PPP2R5E: variants seen among roughly 807,000 people sequenced by gnomAD.
The protein encoded by PPP2R5E is serine/threonine-protein phosphatase 2A 56 kDa regulatory subunit epsilon isoform.
In PPP2R5E, 4 loss-of-function variants were observed where a neutral mutation model predicts 65.3. That is an observed-to-expected ratio of 0.06 (90% CI 0.03 to 0.14). The LOEUF is 0.14. Among genes scored for constraint, PPP2R5E ranks in the 10% least tolerant of loss-of-function variants. PPP2R5E has a pLI of 1.00. For missense variants in PPP2R5E, 274 were observed against 556.1 expected (o/e 0.49, Z 5.10); for synonymous variants, 183 against 187.4 (o/e 0.98, Z 0.19).
At chr14:63,482,784 A>G (rs1312773429) in intron 2 of PPP2R5E, among the ~76,000 whole-genome samples, 4 of 152,218 alleles carry the variant, frequency 2.6e-5, no homozygotes, top group African/African-American at 9.6e-5. Flanking sequence ...AGAAAATCTA[A>G]CAGAATAACC....
At chr14:63,491,831 G>T (rs1353993317) in intron 2 of PPP2R5E, among the ~76,000 whole-genome samples, 2 of 152,062 alleles carry the variant, frequency 1.3e-5, no homozygotes, top group Non-Finnish European at 2.9e-5. Context: ...TGGGTGACAA[G>T]AATGAAACTC....
At chr14:63,380,157 G>T (rs947320667) in intron 13 of PPP2R5E, among the ~76,000 whole-genome samples, 1 of 151,976 alleles carries the variant, frequency 6.6e-6, no homozygotes, top group African/African-American at 2.4e-5. Context: ...TTCTTGATGA[G>T]ATTCTACGGA....
chr14:63,539,704 G>C lies in PPP2R5E; in HGVS notation c.-7-12C>G. On this transcript the variant is annotated splice_polypyrimidine_tract_variant and intron_variant, in intron 1 of 13. Transcript: ENST00000337537. ...AGGACATATCCCTACTGAAGAGAAA[G>C]AAGTATCATAAACCCATACATTCCC... 6.2e-7 allele frequency: 1 copy of C among 1,609,464 alleles called. No individual in the cohort carries two copies. Among genetic ancestry groups the C allele is most frequent in the Non-Finnish European group, 8.5e-7 (1 of 1,176,890 alleles).
At chr14:63,449,967 C>A (rs112309322) in intron 3 of PPP2R5E, among the ~76,000 whole-genome samples, 2,577 of 151,406 alleles carry the variant, frequency 0.017, 75 homozygotes, top group African/African-American at 0.059. Context: ...CCTCCACCAC[C>A]CAGGTTCAAG....
At chr14:63,478,655 A>C (rs1890532716) in intron 2 of PPP2R5E, among the ~76,000 whole-genome samples, 1 of 152,094 alleles carries the variant, frequency 6.6e-6, no homozygotes, top group Admixed American at 6.5e-5. Context: ...GACCTCACAG[A>C]CCCCTGAAAA....
chr14:63,470,708 C>A (rs745465752), intron 2 of PPP2R5E, among the ~76,000 whole-genome samples: 2 of 143,290 alleles, frequency 1.4e-5, no homozygotes, highest in Non-Finnish European at 3.0e-5. Flanking sequence ...TAAAAACAAG[C>A]CTTTATCAAC....
intron 11 of PPP2R5E, among the ~76,000 whole-genome samples, 173 bp downstream of exon 11, chr14:63,389,439 G>A (rs1884878879): frequency 6.6e-6 from 1 of 152,048 alleles, no homozygotes. Flanking sequence ...CCATTACTGT[G>A]GCTGTTAGGC....
At chr14:63,422,713 C>T (rs924330018) in intron 3 of PPP2R5E, among the ~76,000 whole-genome samples, 1 of 123,200 alleles carries the variant, frequency 8.1e-6, no homozygotes, top group Non-Finnish European at 1.6e-5. Flanking sequence ...GATGAAAGAG[C>T]GAGACTCCGT....
chr14:63,542,573 G>A (rs995938800), intron 1 of PPP2R5E, among the ~76,000 whole-genome samples: 8 of 152,116 alleles, frequency 5.3e-5, no homozygotes, highest in African/African-American at 7.2e-5. Context: ...GGGGGGAGGG[G>A]GCAGAGTGAA....
At chr14:63,442,664 G>C (rs1888294439) in intron 3 of PPP2R5E, among the ~76,000 whole-genome samples, 1 of 152,078 alleles carries the variant, frequency 6.6e-6, no homozygotes, top group Non-Finnish European at 1.5e-5. Flanking sequence ...CTATTTTACT[G>C]TTATTGTTAA....
At chr14:63,429,031 A>G (rs1887486640) in intron 3 of PPP2R5E, among the ~76,000 whole-genome samples, 1 of 152,180 alleles carries the variant, frequency 6.6e-6, no homozygotes, top group South Asian at 2.1e-4. Context: ...AGGACAATAC[A>G]ATGAGTGCTT....
At chr14:63,474,502 T>C (rs1324417373) in intron 2 of PPP2R5E, among the ~76,000 whole-genome samples, 1 of 149,510 alleles carries the variant, frequency 6.7e-6, no homozygotes, top group Non-Finnish European at 1.5e-5. Flanking sequence ...AAGAGTGAGG[T>C]GGAGATAGAA....
intron 2 of PPP2R5E, among the ~76,000 whole-genome samples, chr14:63,494,485 T>C (rs1277371011): frequency 6.6e-6 from 1 of 151,684 alleles, no homozygotes. Context: ...TCTGCCCCTA[T>C]TAGCCTCCCA....
chr14:63,450,255 G>A (rs1228959206), intron 3 of PPP2R5E, among the ~76,000 whole-genome samples: 1 of 152,166 alleles, frequency 6.6e-6, no homozygotes, highest in Non-Finnish European at 1.5e-5. Context: ...ATAATTAGTA[G>A]CTAACAATTT....
chr14:63,491,014 A>C (rs1034908151), intron 2 of PPP2R5E, among the ~76,000 whole-genome samples: 1 of 152,154 alleles, frequency 6.6e-6, no homozygotes, highest in Non-Finnish European at 1.5e-5. Context: ...AAAAAAAAAA[A>C]ATGTGGAACA....
At chr14:63,523,009 C>T (rs1008277813) in intron 2 of PPP2R5E, among the ~76,000 whole-genome samples, 3 of 148,762 alleles carry the variant, frequency 2.0e-5, no homozygotes, top group Admixed American at 1.3e-4. Flanking sequence ...AGGTGAGGGG[C>T]GCCTCTGCCC....
rs1485748491 is a variant in PPP2R5E, at chr14:63,373,686, G to C, written c.*2323C>G. The C allele has an allele frequency of 6.6e-6, 1 of 152,014 alleles. No homozygotes were observed. The highest frequency in any genetic ancestry group is 1.5e-5 in the Non-Finnish European group (1 of 68,012). 9.4% of individuals were successfully genotyped at this position (152,014 alleles called of 1,614,324 possible). A position where few individuals can be genotyped will look rare whatever the true frequency, so the allele number is the denominator to read the frequency against. The stretch of plus-strand genomic sequence containing the variant: ...TGTTCACCTTTACTCTTGAAGACAG[G>C]GTAAGGTACAAAAAAGGATCCTGGC... On this transcript the variant is annotated 3_prime_UTR_variant, in exon 14 of 14. Coordinates refer to ENST00000337537, the MANE Select transcript of PPP2R5E (RefSeq NM_006246.5).
intron 3 of PPP2R5E, among the ~76,000 whole-genome samples, chr14:63,441,192 G>A (rs1036053833): frequency 2.0e-5 from 3 of 148,156 alleles, no homozygotes; most frequent in African/African-American, 7.5e-5. Context: ...AGGCATACGG[G>A]TGCTGGCCAT....
chr14:63,450,583 C>A (rs900910990), intron 3 of PPP2R5E, among the ~76,000 whole-genome samples: 1 of 152,066 alleles, frequency 6.6e-6, no homozygotes, highest in African/African-American at 2.4e-5. Context: ...CCAATGACAT[C>A]CAATATCTTA....
Sources: allele counts gnomAD v4.1 joint callset (sites outside exome capture counted in the v4.1 genomes callset), GRCh38; gene constraint gnomAD v4.1.1; transcripts MANE v1.5; gene names NCBI Gene and HGNC (gene_info 2026-07-23, HGNC 2026-07-21).